The following CFAP47 variants were observed in gnomAD, a reference collection of about 807,000 sequenced individuals.
The protein encoded by CFAP47 is cilia- and flagella-associated protein 47.
CFAP47 carries 29 observed loss-of-function variants against 148.1 expected under a neutral mutation model. The ratio of observed to expected loss-of-function variants is 0.20; its 90% CI spans 0.15 to 0.27. CFAP47 has a LOEUF of 0.27. Among genes scored for constraint, CFAP47 ranks in the 10% least tolerant of loss-of-function variants. The pLI is 1.00. For synonymous variants in CFAP47, 664 were observed against 577.3 expected, an observed-to-expected ratio of 1.15 and a Z score of -2.15; for missense variants, 1,872 against 1,697.5, an observed-to-expected ratio of 1.10 and a Z score of -1.81.
At chrX:36,135,293 A>G in intron 33 of CFAP47, among the ~76,000 whole-genome samples, 1 of 111,360 alleles carries the variant, frequency 9.0e-6, no homozygotes, top group Non-Finnish European at 1.9e-5. Flanking sequence ...ATGGAAATAA[A>G]ACTTTTTTAA....
intron 36 of CFAP47, among the ~76,000 whole-genome samples, chrX:36,147,691 G>A (rs912832773): frequency 8.9e-6 from 1 of 112,096 alleles, no homozygotes; most frequent in Non-Finnish European, 1.9e-5. Flanking sequence ...AACTAAAGTT[G>A]GAAATGCTTT....
intron 4 of CFAP47, among the ~76,000 whole-genome samples, chrX:35,948,689 T>A (rs1234144282): frequency 9.0e-6 from 1 of 110,833 alleles, no homozygotes; most frequent in African/African-American, 3.3e-5. Context: ...GGTGAGAGAG[T>A]GGACCAGGGA....
chrX:35,926,830 C>A (rs1033239847), intron 2 of CFAP47, among the ~76,000 whole-genome samples: 5 of 110,507 alleles, frequency 4.5e-5, no homozygotes, highest in Non-Finnish European at 9.4e-5. Context: ...TAGATATATA[C>A]CTTTTACAAA....
At chrX:36,253,423 G>A (rs1483654607) in intron 49 of CFAP47, among the ~76,000 whole-genome samples, 1 of 111,117 alleles carries the variant, frequency 9.0e-6, no homozygotes, top group African/African-American at 3.3e-5. Flanking sequence ...AGATTAAACA[G>A]TATAAATACA....
In CFAP47 at chrX:36,190,107, G is replaced by C. The variant is rs1555986261; in HGVS notation, c.6232G>C (p.Gly2078Arg). The change falls in exon 42 of 64, where the codon GGA becomes CGA. Residue 2078 changes from glycine to arginine, a missense_variant. Transcript: ENST00000378653. ...CTGCTCCATGCATACTGTTCACCTG[G>C]GAGTGAAAGGAACTTCAAGCCTAGA... ...FFCSMHTVHL[G>R]VKGTSSLELR... The C allele has an allele frequency of 3.4e-6, 1 of 296,555 alleles. No homozygotes were observed. Among genetic ancestry groups the C allele is most frequent in the East Asian group, 4.8e-5 (1 of 21,004 alleles). 24.4% of individuals were successfully genotyped at this position (296,555 alleles called of 1,213,427 possible).
At chrX:35,951,051 C>T (rs1297851622) in intron 4 of CFAP47, 80 bp from the exon 5 acceptor site, 10 of 670,133 alleles carry the variant, frequency 1.5e-5, no homozygotes, top group East Asian at 1.0e-4. Context: ...TTCTGTTTGT[C>T]GAAATGTGTG....
At chrX:36,303,291 A>G (rs782484922) in intron 53 of CFAP47, among the ~76,000 whole-genome samples, 31 of 111,665 alleles carry the variant, frequency 2.8e-4, no homozygotes, top group Non-Finnish European at 4.9e-4. Flanking sequence ...GGCTAGAGCG[A>G]TCCTCCTGCC....
chrX:35,921,719 T>C (rs1221955754), intron 1 of CFAP47, among the ~76,000 whole-genome samples: 1 of 111,654 alleles, frequency 9.0e-6, no homozygotes, highest in Non-Finnish European at 1.9e-5. Flanking sequence ...GTTGCAAGAC[T>C]ATGAAATGCA....
chrX:36,000,941 A>G (rs1936907115), intron 20 of CFAP47, among the ~76,000 whole-genome samples: 1 of 111,665 alleles, frequency 9.0e-6, no homozygotes, highest in Non-Finnish European at 1.9e-5. Flanking sequence ...TAGAACACGC[A>G]CAGACCCATT....
At chrX:35,994,134 C>CT (rs746282351) in intron 18 of CFAP47, among the ~76,000 whole-genome samples, 1 of 109,986 alleles carries the variant, frequency 9.1e-6, no homozygotes, top group South Asian at 3.9e-4. Flanking sequence ...TGGTGGTGGG[C>CT]ACCTGTAGTC....
chrX:36,324,346 A>C, intron 57 of CFAP47, among the ~76,000 whole-genome samples: 1 of 111,794 alleles, frequency 8.9e-6, no homozygotes, highest in East Asian at 2.8e-4. Flanking sequence ...GTTTAGCATT[A>C]TTACATCTCT....
intron 8 of CFAP47, among the ~76,000 whole-genome samples, chrX:35,961,770 T>C (rs1451838489): frequency 2.7e-5 from 3 of 111,120 alleles, no homozygotes; most frequent in African/African-American, 6.5e-5. Context: ...TTCAAAGATA[T>C]AGTTTCAGGA....
intron 2 of CFAP47, among the ~76,000 whole-genome samples, chrX:35,937,398 G>T (rs772380469): frequency 1.8e-5 from 2 of 109,646 alleles, no homozygotes; most frequent in East Asian, 5.8e-4. Flanking sequence ...GCCTTTCTCT[G>T]TTGGTTGGGG....
intron 40 of CFAP47, among the ~76,000 whole-genome samples, chrX:36,186,751 AG>A (rs782263562): frequency 2.7e-4 from 30 of 111,465 alleles, no homozygotes; most frequent in Non-Finnish European, 5.1e-4. Flanking sequence ...CCACTACTGC[AG>A]AGGAAAAAGA....
At chrX:35,946,835 T>C (rs895177157) in intron 3 of CFAP47, among the ~76,000 whole-genome samples, 22 of 111,804 alleles carry the variant, frequency 2.0e-4, no homozygotes, top group African/African-American at 7.2e-4. Flanking sequence ...TTGTTGGCCA[T>C]ACTTTAAGTA....
At position 36,178,900 on chromosome X, in the gene CFAP47, A is replaced by G. The variant is rs190888167; in HGVS notation, c.6027-445A>G. 3.6e-5 allele frequency among the ~76,000 whole-genome samples: 4 copies of G among 112,415 alleles called. No homozygotes were observed. In the East Asian group the frequency reaches 1.1e-3, roughly 31 times the overall value. ...TGTGATTTCAGAAGATGGCATAATT[A>G]TTAACATACTGATTGACTAGCTACC... On this transcript the variant is annotated intron_variant, in intron 39 of 63. Coordinates refer to ENST00000378653, the MANE Select transcript of CFAP47 (RefSeq NM_001304548.2).
At chrX:36,093,684 T>C (rs1240202949) in intron 30 of CFAP47, among the ~76,000 whole-genome samples, 1 of 110,728 alleles carries the variant, frequency 9.0e-6, no homozygotes, top group South Asian at 3.6e-4. Context: ...AGAAACAAAA[T>C]AAATATAAAA....
chrX:35,975,540 T>C (rs774188625), intron 14 of CFAP47, 132 bp from the exon 15 acceptor site: 22 of 719,170 alleles, frequency 3.1e-5, no homozygotes, highest in Middle Eastern at 3.5e-4. Flanking sequence ...CTAATTATCT[T>C]TCATAATTAA....
At chrX:35,920,137 G>T in intron 1 of CFAP47, 89 bp downstream of exon 1, 1 of 1,010,592 alleles carries the variant, frequency 9.9e-7, no homozygotes. Context: ...TAGTCATCTG[G>T]CTCCTGCCGG....
Sources: gnomAD v4.1 joint callset for allele counts (sites outside exome capture counted in the v4.1 genomes callset) on GRCh38, gnomAD v4.1.1 for gene constraint, MANE v1.5 for transcripts, NCBI Gene and HGNC (gene_info 2026-07-23, HGNC 2026-07-21) for gene names.